Variants in FRY observed in about 807,000 individuals in gnomAD.
The protein encoded by FRY is protein furry homolog.
Under a neutral mutation model 348.4 loss-of-function variants are expected in FRY, and 128 were observed. That is an observed-to-expected ratio of 0.37 (90% CI 0.32 to 0.43). The LOEUF is 0.43. FRY is among the 20% of genes least tolerant of loss of function. The pLI is 1.00. For missense variants in FRY, 2,736 were observed against 3,695.2 expected, an observed-to-expected ratio of 0.74 and a Z score of 6.73; for synonymous variants, 1,370 against 1,374.7, an observed-to-expected ratio of 1.00 and a Z score of 0.08.
In FRY at chr13:32,270,114, T is replaced by G. The variant is rs374461755; in HGVS notation, c.8136+2755T>G. 9.2e-5 allele frequency among the ~76,000 whole-genome samples: 14 copies of G among 152,310 alleles called. No homozygotes were observed. The East Asian group carries it at 2.3e-3, about 25-fold the overall frequency. On this transcript the variant is annotated intron_variant, in intron 55 of 60. Transcript: ENST00000542859. ...CTTTAAACATTAAACCAGATTGAAA[T>G]TTTAAGGCAAACTACCAGAAAGCTA...
chr13:32,262,315 T>A lies in FRY; in HGVS notation c.7619T>A (p.Ile2540Asn), dbSNP rs571677605. The A allele has an allele frequency of 6.2e-7, 1 of 1,612,678 alleles. No individual in the cohort carries two copies. The highest frequency in any genetic ancestry group is 2.2e-5 in the East Asian group (1 of 44,858). Residue 2540 changes from isoleucine to asparagine, a missense_variant and splice_region_variant, in exon 53 of 61, where the codon ATC becomes AAC. Physicochemically the swap from Ile to Asn is moderately radical, Grantham distance 149. Around this residue, in one of 9 missense-constraint regions of FRY, gnomAD observed 789 missense variants for 996.2 expected, o/e 0.79. Coordinates refer to ENST00000542859, the MANE Select transcript of FRY (RefSeq NM_023037.3). The part of the protein sequence containing the change: ...ASQILEHSDL[I>N]MTLSPSEETN... ...TAATTTCCTTTGCTTTTTAAACAGA[T>A]CATGACTCTCTCCCCCTCTGAAGAG...
intron 28 of FRY, among the ~76,000 whole-genome samples, chr13:32,193,486 A>C (rs1883476195): frequency 6.6e-6 from 1 of 152,060 alleles, no homozygotes; most frequent in Non-Finnish European, 1.5e-5. Flanking sequence ...ACTCTGAGCT[A>C]ATACATAGAG....
rs111910728 is a variant in FRY at position 32,031,864 on chromosome 13, T to C, written c.69T>C (p.Asn23=). The C allele has an allele frequency of 5.4e-6, 8 of 1,481,126 alleles. No homozygotes were observed. In the African/African-American group the frequency reaches 6.9e-5, roughly 13 times the overall value. The allele number at this position is 1,481,126 out of a possible 1,614,324, so 91.7% of individuals were successfully genotyped here. The part of the protein sequence containing the change: ...SIKYLLKSWS[N]TSPVGNGYIK... ...AATATTTACTGAAATCCTGGAGTAA[T>C]AGTGAGTAATAGAAAATAACCTTTT... The change falls in exon 1 of 61, where the codon AAT becomes AAC. Residue 23 remains asparagine (N), a splice_region_variant and synonymous_variant. Transcript: ENST00000542859.
At position 32,169,505 on chromosome 13, in the gene FRY, G is replaced by A. The variant is rs116769218; in HGVS notation, c.1893-1507G>A. Among the ~76,000 whole-genome samples, 576 of 152,260 alleles carry A rather than the reference G, an allele frequency of 3.8e-3. 3 individuals are homozygous for A. Among genetic ancestry groups the A allele is most frequent in the African/African-American group, 0.013 (554 of 41,564 alleles). ...CTGAGGCTTAGAGATTAAGTGACTA[G>A]CCTGAAGTCACGTAGCTAATAAGTG... On this transcript the variant is annotated intron_variant, in intron 17 of 60. Transcript: ENST00000542859.
chr13:32,068,665 G>T (rs962759432), intron 1 of FRY, among the ~76,000 whole-genome samples: 3 of 152,156 alleles, frequency 2.0e-5, no homozygotes, highest in South Asian at 2.1e-4. Context: ...TCTCTTTATT[G>T]AACTGCTTCA....
intron 1 of FRY, chr13:32,061,193 G>C (rs1258316682): frequency 3.8e-6 from 2 of 532,012 alleles, no homozygotes; most frequent in African/African-American, 3.9e-5. Flanking sequence ...AATATGTGTG[G>C]AGTGGCTAAC....
In FRY at chr13:32,126,001, T is replaced by TTGTA. The variant is rs375699144; in HGVS notation, c.716+1127_716+1130dup. On this transcript the variant is annotated intron_variant, in intron 7 of 60. Transcript: ENST00000542859. ...CTGGGCCATTTTGCATGAGGCTATA[T>TTGTA]TGTAGTTTTATAGCCTATTAAAATA... Among the ~76,000 whole-genome samples the TTGTA allele has an allele frequency of 2.3e-3, 356 of 152,316 alleles. 3 individuals are homozygous for TTGTA. Among genetic ancestry groups the TTGTA allele is most frequent in the African/African-American group, 6.9e-3 (287 of 41,576 alleles).
intron 13 of FRY, among the ~76,000 whole-genome samples, chr13:32,148,151 C>T (rs1230447532): frequency 6.6e-6 from 1 of 152,212 alleles, no homozygotes; most frequent in Non-Finnish European, 1.5e-5. Flanking sequence ...GTGTTTTCAG[C>T]ATCTGATAAA....
chr13:32,291,798 C>T (rs756750802), intron 59 of FRY, among the ~76,000 whole-genome samples: 5 of 152,030 alleles, frequency 3.3e-5, no homozygotes, highest in Non-Finnish European at 7.4e-5. Context: ...TTCCAATGGA[C>T]GACTTTGAGA....
intron 3 of FRY, among the ~76,000 whole-genome samples, chr13:32,115,619 C>G (rs1306432354): frequency 6.6e-6 from 1 of 152,170 alleles, no homozygotes; most frequent in African/African-American, 2.4e-5. Context: ...AAACCTTCGT[C>G]ACATCAATTG....
At chr13:32,146,401 A>G (rs980216830) in intron 11 of FRY, among the ~76,000 whole-genome samples, 2 of 152,172 alleles carry the variant, frequency 1.3e-5, no homozygotes, top group African/African-American at 4.8e-5. Flanking sequence ...CAGTGGCGCC[A>G]TCTCAGCTCA....
At chr13:32,181,712 A>G (rs1233947897) in intron 23 of FRY, among the ~76,000 whole-genome samples, 1 of 152,138 alleles carries the variant, frequency 6.6e-6, no homozygotes, top group Non-Finnish European at 1.5e-5. Flanking sequence ...GGAGGCAGGT[A>G]AGATTATGCA....
chr13:32,221,650 C>G (rs953718036), intron 36 of FRY, among the ~76,000 whole-genome samples: 11 of 152,144 alleles, frequency 7.2e-5, no homozygotes, highest in African/African-American at 2.4e-4. Context: ...GTAGCTAGGA[C>G]TACAGGTGTG....
At position 32,124,842 on chromosome 13, in the gene FRY, A is replaced by T; in HGVS notation, c.683A>T (p.Tyr228Phe). ...TGNMHIVADL[Y>F]AEVIGVLAQA... ...AATATGCATATTGTGGCAGACCTGTATGCAGAAGTCATTGGAGTGTTGGCA... is the reference window on the plus strand; with the variant it reads ...AATATGCATATTGTGGCAGACCTGTTTGCAGAAGTCATTGGAGTGTTGGCA... Residue 228 changes from tyrosine to phenylalanine, a missense_variant, in exon 7 of 61, where the codon TAT becomes TTT. Tyr to Phe is a conservative substitution (Grantham distance 22, BLOSUM62 3). Transcript: ENST00000542859. The T allele has an allele frequency of 6.2e-7, 1 of 1,613,404 alleles. No individual in the cohort carries two copies. Among genetic ancestry groups the T allele is most frequent in the South Asian group, 1.1e-5 (1 of 91,074 alleles).
chr13:32,060,470 T>A (rs1873877762), intron 1 of FRY, among the ~76,000 whole-genome samples: 1 of 152,244 alleles, frequency 6.6e-6, no homozygotes, highest in East Asian at 1.9e-4. Context: ...TAAGGGTGTA[T>A]GGTTTCTCGC....
At chr13:32,267,651 G>A (rs1447785116) in intron 55 of FRY, among the ~76,000 whole-genome samples, 1 of 152,060 alleles carries the variant, frequency 6.6e-6, no homozygotes, top group Non-Finnish European at 1.5e-5. Flanking sequence ...GGACCATTAA[G>A]GGAATCTTCT....
At chr13:32,196,275 C>A (rs910631831) in intron 29 of FRY, among the ~76,000 whole-genome samples, 4 of 152,166 alleles carry the variant, frequency 2.6e-5, no homozygotes, top group Non-Finnish European at 5.9e-5. Flanking sequence ...AAATAATGAT[C>A]TCCTCCTTTT....
At chr13:32,214,812 T>C (rs1244052696) in intron 35 of FRY, among the ~76,000 whole-genome samples, 2 of 152,208 alleles carry the variant, frequency 1.3e-5, no homozygotes, top group Non-Finnish European at 2.9e-5. Flanking sequence ...CCCAGGCTGC[T>C]GTGTTAACAC....
chr13:32,227,955 C>T (rs572050030), intron 39 of FRY, among the ~76,000 whole-genome samples: 137 of 152,202 alleles, frequency 9.0e-4, no homozygotes, highest in Admixed American at 2.2e-3. Context: ...TTTCACCATG[C>T]TAGCCAGGAT....
Sources: allele counts gnomAD v4.1 joint callset (sites outside exome capture counted in the v4.1 genomes callset), GRCh38; gene constraint gnomAD v4.1.1; regional missense constraint gnomAD v4.1.1; transcripts MANE v1.5; gene names NCBI Gene and HGNC (gene_info 2026-07-23, HGNC 2026-07-21).